The following ZC3H12B variants were observed in gnomAD, a reference collection of about 807,000 sequenced individuals.
ZC3H12B encodes the protein probable ribonuclease ZC3H12B.
Under a neutral mutation model 43.9 loss-of-function variants are expected in ZC3H12B, and 7 were observed. The ratio of observed to expected loss-of-function variants is 0.16; its 90% CI spans 0.09 to 0.30. The LOEUF is 0.30. Ranked by LOEUF, ZC3H12B falls within the 10% of genes least tolerant of loss-of-function variation. The pLI is 1.00. For missense variants in ZC3H12B, 475 were observed against 670.2 expected, an observed-to-expected ratio of 0.71 and a Z score of 3.22; for synonymous variants, 222 against 241.7, an observed-to-expected ratio of 0.92 and a Z score of 0.76.
the ZC3H12B span, among the ~76,000 whole-genome samples, chrX:65,159,063 G>A: frequency 1.7e-4 from 19 of 111,659 alleles, no homozygotes; most frequent in Non-Finnish European, 3.2e-4. Context: ...TCTCAGGTTT[G>A]TCAAAGCTCA....
the ZC3H12B span, among the ~76,000 whole-genome samples, chrX:65,226,526 T>A: frequency 4.5e-5 from 5 of 111,326 alleles, no homozygotes; most frequent in East Asian, 1.4e-3. Flanking sequence ...AATTCACACA[T>A]AACAATATTA....
chrX:65,330,474 T>G, the ZC3H12B span, among the ~76,000 whole-genome samples: 1 of 111,470 alleles, frequency 9.0e-6, no homozygotes, highest in African/African-American at 3.3e-5. Flanking sequence ...TGCGTCCCTG[T>G]CTTGTGCCAA....
intron 3 of ZC3H12B, among the ~76,000 whole-genome samples, chrX:65,482,433 G>T (rs1372384874): frequency 8.9e-6 from 1 of 111,792 alleles, no homozygotes; most frequent in Non-Finnish European, 1.9e-5. Flanking sequence ...AATGGCCAGA[G>T]AACACACATT....
At chrX:65,161,913 C>G in the ZC3H12B span, among the ~76,000 whole-genome samples, 1 of 111,667 alleles carries the variant, frequency 9.0e-6, no homozygotes, top group Non-Finnish European at 1.9e-5. Context: ...ACTGGTTGTT[C>G]CTTTCCATGT....
At chrX:65,102,524 A>G in the ZC3H12B span, among the ~76,000 whole-genome samples, 67 of 111,966 alleles carry the variant, frequency 6.0e-4, no homozygotes, top group Non-Finnish European at 1.5e-4. Context: ...GCAGATAAGC[A>G]ACGTCAGCAA....
rs984576594 is a variant in ZC3H12B, at chrX:65,379,574, T to C, written n.295+10576T>C. 5.3e-5 allele frequency among the ~76,000 whole-genome samples: 6 copies of C among 112,394 alleles called. No homozygotes were observed. The East Asian group carries it at 1.7e-3, about 31-fold the overall frequency. On this transcript the variant is annotated intron_variant and non_coding_transcript_variant, in intron 2 of 5. Transcript: ENST00000617377. Reference sequence around the variant, plus strand: ...CCTCTCCTCCTCCAAAGGAACGCAGTTCCTCACCAGCAACGGAACAAAGCT... The same window carrying C: ...CCTCTCCTCCTCCAAAGGAACGCAGCTCCTCACCAGCAACGGAACAAAGCT...
the ZC3H12B span, among the ~76,000 whole-genome samples, chrX:65,194,417 AATTT>A: frequency 9.1e-6 from 1 of 110,139 alleles, no homozygotes; most frequent in African/African-American, 3.3e-5. Flanking sequence ...AAAAAATAAA[AATTT>A]ATTTATTGAC....
the ZC3H12B span, among the ~76,000 whole-genome samples, chrX:65,249,153 C>T: frequency 1.8e-5 from 2 of 111,490 alleles, no homozygotes; most frequent in African/African-American, 6.5e-5. Context: ...AAAATCCTTG[C>T]CTAAACCAAC....
At chrX:65,199,121 C>T in the ZC3H12B span, among the ~76,000 whole-genome samples, 1 of 108,485 alleles carries the variant, frequency 9.2e-6, no homozygotes, top group Non-Finnish European at 1.9e-5. Context: ...TAGATTTGCC[C>T]TTAAAAGGCT....
At chrX:65,158,689 T>A in the ZC3H12B span, among the ~76,000 whole-genome samples, 1 of 111,529 alleles carries the variant, frequency 9.0e-6, no homozygotes, top group Non-Finnish European at 1.9e-5. Context: ...GTCAGATGAG[T>A]AGGTTACGAA....
the ZC3H12B span, among the ~76,000 whole-genome samples, chrX:65,197,083 C>T: frequency 2.7e-5 from 3 of 111,927 alleles, no homozygotes; most frequent in Non-Finnish European, 5.6e-5. Context: ...CCCCCAGGAA[C>T]TCCACCCACA....
chrX:65,327,678 A>G, the ZC3H12B span, among the ~76,000 whole-genome samples: 1 of 111,701 alleles, frequency 9.0e-6, no homozygotes, highest in Admixed American at 9.5e-5. Context: ...ATAAAAGGGC[A>G]TAGTGTCAAA....
chrX:65,177,177 C>T, the ZC3H12B span, among the ~76,000 whole-genome samples: 1 of 112,072 alleles, frequency 8.9e-6, no homozygotes, highest in East Asian at 2.8e-4. Flanking sequence ...ATGACAAAAA[C>T]TTCATGAGTA....
intron 1 of ZC3H12B, among the ~76,000 whole-genome samples, chrX:65,492,995 TG>T (rs1261463406): frequency 1.8e-5 from 2 of 110,800 alleles, no homozygotes; most frequent in Non-Finnish European, 3.8e-5. Context: ...CCCAGCTACT[TG>T]GGGGGCTGAG....
chrX:65,111,734 A>G, the ZC3H12B span, among the ~76,000 whole-genome samples: 1 of 109,749 alleles, frequency 9.1e-6, no homozygotes, highest in Non-Finnish European at 1.9e-5. Flanking sequence ...CTATATTCTA[A>G]TTGTTTTGAG....
chrX:65,149,964 G>A, the ZC3H12B span, among the ~76,000 whole-genome samples: 2 of 109,667 alleles, frequency 1.8e-5, no homozygotes, highest in Non-Finnish European at 3.8e-5. Flanking sequence ...TAAACTGATT[G>A]AGTTCCTTAA....
chrX:65,346,740 C>T, the ZC3H12B span, among the ~76,000 whole-genome samples: 1 of 112,207 alleles, frequency 8.9e-6, no homozygotes, highest in African/African-American at 3.2e-5. Flanking sequence ...GCTGCTGTGG[C>T]CAGACTGCCA....
chrX:65,375,453 C>A (rs768544745), intron 2 of ZC3H12B, among the ~76,000 whole-genome samples: 22 of 112,375 alleles, frequency 2.0e-4, no homozygotes, highest in South Asian at 1.5e-3. Context: ...TGCTGAGACA[C>A]CAGCCATAGT....
the ZC3H12B span, among the ~76,000 whole-genome samples, chrX:65,189,287 T>C: frequency 7.3e-5 from 7 of 95,521 alleles, no homozygotes; most frequent in African/African-American, 2.5e-4. Flanking sequence ...AGCAGCATGA[T>C]TTATAGTCGT....
Sources: gnomAD v4.1 joint callset for allele counts (sites outside exome capture counted in the v4.1 genomes callset) on GRCh38, gnomAD v4.1.1 for gene constraint, MANE v1.5 for transcripts, NCBI Gene and HGNC (gene_info 2026-07-23, HGNC 2026-07-21) for gene names.